KCTD1: variants seen among roughly 807,000 people sequenced by gnomAD.
KCTD1 encodes BTB/POZ domain-containing protein KCTD1.
A neutral mutation model predicts 66.0 loss-of-function variants in KCTD1; 24 were observed. The observed-to-expected ratio is 0.36, with a 90% CI of 0.26 to 0.51. KCTD1 has a LOEUF of 0.51. Ranked by LOEUF, KCTD1 falls within the 20% of genes least tolerant of loss-of-function variation. The pLI is 0.95. For missense variants in KCTD1, 943 were observed against 1,205.2 expected (o/e 0.78, Z 3.22); for synonymous variants, 511 against 517.2 (o/e 0.99, Z 0.16).
intron 1 of KCTD1, among the ~76,000 whole-genome samples, chr18:26,522,453 T>C: frequency 6.6e-6 from 1 of 152,200 alleles, no homozygotes; most frequent in East Asian, 1.9e-4. Flanking sequence ...GCCGACGACC[T>C]TGATCTCAGA....
Position 26,497,143 on chromosome 18 carries a change from T to G in KCTD1, c.1988+3929A>C, listed in dbSNP as rs142077839. 4.1e-3 allele frequency among the ~76,000 whole-genome samples: 617 copies of G among 152,244 alleles called. 7 individuals carry two copies. Among genetic ancestry groups the G allele is most frequent in the African/African-American group, 0.011 (453 of 41,528 alleles). ...GAATTTTAAAAACACCTACAACATT[T>G]CAAAACGGAGTAAAGGTTCTTTGCA... On this transcript the variant is annotated intron_variant, in intron 2 of 4. Transcript: ENST00000580059.
intron 2 of KCTD1, among the ~76,000 whole-genome samples, chr18:26,482,666 TGC>T (rs1323890788): frequency 6.6e-6 from 1 of 152,192 alleles, no homozygotes; most frequent in Admixed American, 6.5e-5. Flanking sequence ...GGGCACCCCA[TGC>T]CACCTCATGA....
chr18:26,646,274 G>A (rs932697419), intron 1 of KCTD1, among the ~76,000 whole-genome samples: 2 of 152,160 alleles, frequency 1.3e-5, no homozygotes, highest in African/African-American at 2.4e-5. Flanking sequence ...AGTTGTTAGG[G>A]GGAGCAGGAG....
At chr18:26,485,575 T>G (rs1468965) in intron 2 of KCTD1, among the ~76,000 whole-genome samples, 21,812 of 152,254 alleles carry the variant, frequency 0.14, 1,746 homozygotes, top group Admixed American at 0.21. Flanking sequence ...GGTAAATGGC[T>G]ATTTGTCTAA....
intron 3 of KCTD1, among the ~76,000 whole-genome samples, chr18:26,460,239 T>A (rs546266262): frequency 3.9e-5 from 6 of 152,302 alleles, no homozygotes; most frequent in Admixed American, 1.3e-4. Context: ...ATTTTGCAGA[T>A]GAGAAAACTG....
At position 26,546,892 on chromosome 18, in the gene KCTD1, G is replaced by C. The variant is rs1325444810; in HGVS notation, c.1645C>G (p.Pro549Ala). 6.7e-7 allele frequency: 1 copy of C among 1,485,354 alleles called. No homozygotes were observed. Among genetic ancestry groups the C allele is most frequent in the South Asian group, 1.4e-5 (1 of 71,682 alleles). The allele number at this position is 1,485,354 out of a possible 1,614,324, so 92.0% of individuals were successfully genotyped here. A position where few individuals can be genotyped will look rare whatever the true frequency, so the allele number is the denominator to read the frequency against. The change falls in exon 1 of 5, where the codon CCC becomes GCC. Residue 549 changes from proline (P) to alanine (A), a missense_variant. This residue lies in a region of KCTD1 where 197 missense variants were observed against 182.7 expected (regional missense o/e 1.08). Transcript: ENST00000580059. ...ATACAAAGTCTTTTGGGGGAAGTGG[G>C]GCCGCAGATTTCCCCCGACCCGAAC... ...SVFGSGEICG[P>A]TSPKRLCIRP...
At chr18:26,589,814 A>C (rs1986556209) in intron 1 of KCTD1, among the ~76,000 whole-genome samples, 1 of 152,168 alleles carries the variant, frequency 6.6e-6, no homozygotes, top group South Asian at 2.1e-4. Flanking sequence ...GGCCAGTGAG[A>C]GAGAAAGGGA....
chr18:26,488,823 C>G (rs948735786), intron 2 of KCTD1, among the ~76,000 whole-genome samples: 3 of 152,242 alleles, frequency 2.0e-5, no homozygotes, highest in African/African-American at 7.2e-5. Flanking sequence ...TCGGTAGCAG[C>G]AGGAAGCCAT....
chr18:26,596,203 A>G (rs1332190187), intron 1 of KCTD1, among the ~76,000 whole-genome samples: 1 of 152,188 alleles, frequency 6.6e-6, no homozygotes, highest in Non-Finnish European at 1.5e-5. Context: ...GGGTTAGGTA[A>G]GGCCATGAGG....
intron 1 of KCTD1, among the ~76,000 whole-genome samples, chr18:26,532,410 T>G (rs559823036): frequency 1.3e-5 from 2 of 151,862 alleles, no homozygotes; most frequent in South Asian, 4.2e-4. Context: ...AGTACAGACA[T>G]GCACTCCCAC....
chr18:26,528,493 T>C (rs1187391692), intron 1 of KCTD1, among the ~76,000 whole-genome samples: 1 of 152,048 alleles, frequency 6.6e-6, no homozygotes, highest in Non-Finnish European at 1.5e-5. Flanking sequence ...CAGGTTCAGG[T>C]CCTCTCTCTT....
chr18:26,615,581 C>T (rs1351865680), intron 1 of KCTD1, among the ~76,000 whole-genome samples: 2 of 152,170 alleles, frequency 1.3e-5, no homozygotes, highest in African/African-American at 4.8e-5. Context: ...TGGGTGGTCT[C>T]CTCCAGCCTC....
intron 1 of KCTD1, among the ~76,000 whole-genome samples, chr18:26,615,377 G>C (rs1987227505): frequency 6.6e-6 from 1 of 152,194 alleles, no homozygotes; most frequent in Admixed American, 6.5e-5. Flanking sequence ...AGGATATTTT[G>C]CTAGTCTGTC....
intron 1 of KCTD1, among the ~76,000 whole-genome samples, chr18:26,636,116 G>T (rs998533363): frequency 2.6e-5 from 4 of 152,100 alleles, no homozygotes; most frequent in South Asian, 2.1e-4. Context: ...ACGATTGGGG[G>T]TATCTAGATA....
At chr18:26,577,783 A>G (rs967964914) in intron 1 of KCTD1, among the ~76,000 whole-genome samples, 5 of 151,994 alleles carry the variant, frequency 3.3e-5, no homozygotes, top group Non-Finnish European at 5.9e-5. Flanking sequence ...CATGTCGTCC[A>G]AACTGGTCTT....
chr18:26,455,830 C>T lies in KCTD1; in HGVS notation c.2511G>A (p.Gln837=). 6.2e-7 allele frequency: 1 copy of T among 1,614,220 alleles called. No homozygotes were observed. The highest frequency in any genetic ancestry group is 1.1e-5 in the South Asian group (1 of 91,082). The part of the protein sequence containing the change: ...GSCGGGVDSS[Q]FSEYVLRREL... Reference sequence around the variant, plus strand: ...CCCGCCGAAGGACGTATTCGCTGAACTGGGACGAGTCTACTCCTCCCCCAC... The same window carrying T: ...CCCGCCGAAGGACGTATTCGCTGAATTGGGACGAGTCTACTCCTCCCCCAC... The change falls in exon 5 of 5, where the codon CAG becomes CAA. Residue 837 remains glutamine (Q), a synonymous_variant. Transcript: ENST00000580059.
At chr18:26,656,891 G>A (rs1177958166) in intron 1 of KCTD1, among the ~76,000 whole-genome samples, 1 of 148,544 alleles carries the variant, frequency 6.7e-6, no homozygotes. Flanking sequence ...GGGCTCGGGG[G>A]AGGAGGGAGG....
intron 1 of KCTD1, among the ~76,000 whole-genome samples, chr18:26,624,629 C>T (rs766393915): frequency 1.3e-5 from 2 of 152,230 alleles, no homozygotes; most frequent in Non-Finnish European, 2.9e-5. Flanking sequence ...CCTGGATGTC[C>T]AGGCAGAAGT....
chr18:26,589,120 A>G (rs1986538846), intron 1 of KCTD1, among the ~76,000 whole-genome samples: 2 of 152,182 alleles, frequency 1.3e-5, no homozygotes, highest in South Asian at 2.1e-4. Context: ...CGACCTCATA[A>G]TTAAAGGCTC....
Sources: allele counts gnomAD v4.1 joint callset (sites outside exome capture counted in the v4.1 genomes callset), GRCh38; gene constraint gnomAD v4.1.1; regional missense constraint gnomAD v4.1.1; transcripts MANE v1.5; gene names NCBI Gene and HGNC (gene_info 2026-07-23, HGNC 2026-07-21).